B4GALNT3: variants seen among roughly 807,000 people sequenced by gnomAD.
B4GALNT3 encodes the protein beta-1,4-N-acetyl-galactosaminyltransferase 3.
B4GALNT3 carries 86 observed loss-of-function variants against 120.2 expected under a neutral mutation model. The ratio of observed to expected loss-of-function variants is 0.72; its 90% CI spans 0.60 to 0.86. The LOEUF is 0.86. Among genes scored for constraint, B4GALNT3 ranks in the 40% least tolerant of loss-of-function variants. B4GALNT3 has a pLI of 0.00. For synonymous variants in B4GALNT3, 518 were observed against 510.4 expected, an observed-to-expected ratio of 1.01 and a Z score of -0.20; for missense variants, 1,167 against 1,298.9, an observed-to-expected ratio of 0.90 and a Z score of 1.56.
chr12:545,224 G>A, intron 5 of B4GALNT3, 145 bp from the exon 6 acceptor site: 1 of 1,457,440 alleles, frequency 6.9e-7, no homozygotes, highest in East Asian at 2.5e-5. Flanking sequence ...TGTCTCCCAG[G>A]ATGTAGAAAC....
In B4GALNT3 at chr12:554,727, T is replaced by C. The variant is rs540254703; in HGVS notation, c.2060+744T>C. ...ATGGCGTGAACCCGGGAGGCGGAGC[T>C]TGCAGTGAGCTGAGATTGCGCCACT... On this transcript the variant is annotated intron_variant, in intron 14 of 19. Coordinates refer to ENST00000266383, the MANE Select transcript of B4GALNT3 (RefSeq NM_173593.4). 5.4e-4 allele frequency among the ~76,000 whole-genome samples: 70 copies of C among 130,304 alleles called. 1 individual carries two copies. Among genetic ancestry groups the C allele is most frequent in the Non-Finnish European group, 7.5e-4 (49 of 64,906 alleles). The allele number at this position is 130,304 out of a possible 152,430, so 85.5% of individuals were successfully genotyped here.
At chr12:516,617 T>G (rs992128825) in intron 1 of B4GALNT3, among the ~76,000 whole-genome samples, 14 of 152,344 alleles carry the variant, frequency 9.2e-5, no homozygotes, top group African/African-American at 3.4e-4. Flanking sequence ...CCATTAATAA[T>G]TGTCAGGGTA....
At chr12:467,063 A>G (rs1165422911) in intron 1 of B4GALNT3, among the ~76,000 whole-genome samples, 3 of 152,180 alleles carry the variant, frequency 2.0e-5, no homozygotes, top group Non-Finnish European at 4.4e-5. Context: ...AAATGGAATA[A>G]TACAGATTGT....
rs187878989 is a variant in B4GALNT3 at position 495,454 on chromosome 12, A to C, written c.169+34909A>C. On this transcript the variant is annotated intron_variant, in intron 1 of 19. Transcript: ENST00000266383. Reference sequence around the variant, plus strand: ...CGCCAAACGTACCGTAAGAAACAAAAGGGTCATCTAGACCTCAGGCATGCA... The same window carrying C: ...CGCCAAACGTACCGTAAGAAACAAACGGGTCATCTAGACCTCAGGCATGCA... Among the ~76,000 whole-genome samples, 218 of 152,320 alleles carry C rather than the reference A, an allele frequency of 1.4e-3. 1 individual carries two copies. The highest frequency in any genetic ancestry group is 7.9e-3 in the South Asian group (38 of 4,828).
At chr12:462,085 A>G (rs995838339) in intron 1 of B4GALNT3, among the ~76,000 whole-genome samples, 18 of 152,156 alleles carry the variant, frequency 1.2e-4, no homozygotes, top group Non-Finnish European at 1.5e-4. Context: ...TCTGCCGCCC[A>G]TAGTGAATTC....
intron 1 of B4GALNT3, among the ~76,000 whole-genome samples, chr12:520,774 G>T (rs1946702119): frequency 6.6e-6 from 1 of 152,370 alleles, no homozygotes; most frequent in Admixed American, 6.5e-5. Flanking sequence ...CTGGGTGACA[G>T]AGCGAGACTC....
chr12:501,720 C>T (rs11063299), intron 1 of B4GALNT3, among the ~76,000 whole-genome samples: 10,757 of 152,186 alleles, frequency 0.071, 958 homozygotes, highest in African/African-American at 0.21. Context: ...TACAGATGCC[C>T]CTACATTTAG....
chr12:462,881 G>C (rs925461724), intron 1 of B4GALNT3, among the ~76,000 whole-genome samples: 4 of 152,090 alleles, frequency 2.6e-5, no homozygotes, highest in Non-Finnish European at 5.9e-5. Context: ...TTCATTCTCA[G>C]CTCAGAGCTA....
chr12:484,168 C>G (rs1181896254), intron 1 of B4GALNT3, among the ~76,000 whole-genome samples: 2 of 152,250 alleles, frequency 1.3e-5, no homozygotes, highest in African/African-American at 4.8e-5. Flanking sequence ...AGCACACGAT[C>G]CCTGTTTCAC....
chr12:522,372 A>G (rs1247762657), intron 1 of B4GALNT3, among the ~76,000 whole-genome samples: 1 of 152,242 alleles, frequency 6.6e-6, no homozygotes, highest in African/African-American at 2.4e-5. Context: ...ACATGGGTGA[A>G]CCTTGAGAAC....
Position 550,503 on chromosome 12 carries a change from CAAAA to C in B4GALNT3, c.998-414_998-411del, listed in dbSNP as rs5795926. Among the ~76,000 whole-genome samples the C allele has an allele frequency of 6.6e-6, 1 of 151,386 alleles. No homozygotes were observed. The highest frequency in any genetic ancestry group is 2.4e-5 in the African/African-American group (1 of 41,150). On this transcript the variant is annotated intron_variant, in intron 10 of 19. Coordinates refer to ENST00000266383, the MANE Select transcript of B4GALNT3 (RefSeq NM_173593.4). The surrounding 1 kb of genome is among the most constrained non-coding windows in gnomAD (Gnocchi z 4.1). ...GATCCTGTCAAAAAAAACAAACAAACAAAAAAAACAACAAAGTTTCTTTACTCCT... is the reference window on the plus strand; with the variant it reads ...GATCCTGTCAAAAAAAACAAACAAACAAAACAACAAAGTTTCTTTACTCCT...
intron 7 of B4GALNT3, among the ~76,000 whole-genome samples, chr12:547,135 G>A (rs1393918374): frequency 2.6e-5 from 4 of 151,266 alleles, no homozygotes; most frequent in Non-Finnish European, 2.9e-5. Flanking sequence ...GCCCACGCGC[G>A]CTCACGCAGG....
intron 1 of B4GALNT3, among the ~76,000 whole-genome samples, chr12:497,815 C>T (rs1407919367): frequency 1.3e-5 from 2 of 152,100 alleles, no homozygotes; most frequent in African/African-American, 4.8e-5. Flanking sequence ...ATTCCCAGGC[C>T]CTGCATCCCT....
In B4GALNT3 at chr12:460,211, AGCAT is replaced by A. The variant is rs1946006001; in HGVS notation, c.-164_-161del. Among the ~76,000 whole-genome samples, 1 of 149,962 alleles carries A rather than the reference AGCAT, an allele frequency of 6.7e-6. No homozygotes were observed. Among genetic ancestry groups the A allele is most frequent in the South Asian group, 2.1e-4 (1 of 4,824 alleles). On this transcript the variant is annotated 5_prime_UTR_variant, in exon 1 of 20. An upstream start codon of the reference 5' UTR is lost. Transcript: ENST00000266383. This position sits in a 1 kb window ranked among gnomAD's most constrained non-coding sequence, Gnocchi z 8.0. The stretch of plus-strand genomic sequence containing the variant: ...CAGCCCGGAGACCCCTCGCGCCCGG[AGCAT>A]GAGCCCGAGCCCCGCCGGAGAGCGG...
chr12:520,156 G>C (rs1023012602), intron 1 of B4GALNT3, among the ~76,000 whole-genome samples: 1 of 152,172 alleles, frequency 6.6e-6, no homozygotes. Context: ...ACAGGACATG[G>C]GATAGAGGGT....
intron 7 of B4GALNT3, 171 bp downstream of exon 7, chr12:546,884 G>A (rs1281786768): frequency 4.7e-6 from 3 of 635,330 alleles, no homozygotes; most frequent in Admixed American, 2.8e-5. Context: ...ATCCGTCCTC[G>A]TTTCACAGAT....
At chr12:523,404 C>T (rs189055607) in intron 1 of B4GALNT3, among the ~76,000 whole-genome samples, 26 of 152,350 alleles carry the variant, frequency 1.7e-4, no homozygotes, top group Admixed American at 1.3e-3. Flanking sequence ...AAACTACTAA[C>T]TTTAACTCAT....
rs1363190349 is a variant in B4GALNT3 at position 460,182 on chromosome 12, C to G, written c.-195C>G. On this transcript the variant is annotated 5_prime_UTR_variant, in exon 1 of 20. Transcript: ENST00000266383. This position sits in a 1 kb window ranked among gnomAD's most constrained non-coding sequence, Gnocchi z 8.0. Reference sequence around the variant, plus strand: ...CTCCCGGAGAGACCTGCTGGGCGCCCGCGCAGCCCGGAGACCCCTCGCGCC... The same window carrying G: ...CTCCCGGAGAGACCTGCTGGGCGCCGGCGCAGCCCGGAGACCCCTCGCGCC... 2.7e-5 allele frequency among the ~76,000 whole-genome samples: 4 copies of G among 150,506 alleles called. No homozygotes were observed. Among genetic ancestry groups the G allele is most frequent in the Non-Finnish European group, 4.5e-5 (3 of 67,288 alleles).
chr12:486,271 G>A (rs943217558), intron 1 of B4GALNT3, among the ~76,000 whole-genome samples: 5 of 143,054 alleles, frequency 3.5e-5, no homozygotes, highest in Admixed American at 7.5e-5. Context: ...GTGCAGTGGC[G>A]TGATCTTGGC....
Sources: allele counts gnomAD v4.1 joint callset (sites outside exome capture counted in the v4.1 genomes callset), GRCh38; gene constraint gnomAD v4.1.1; non-coding constraint Gnocchi (gnomAD v3.1); transcripts MANE v1.5; gene names NCBI Gene and HGNC (gene_info 2026-07-23, HGNC 2026-07-21).